The following EYS variants were observed in gnomAD, a reference collection of about 807,000 sequenced individuals.
EYS encodes protein eyes shut homolog.
In EYS, 250 loss-of-function variants were observed where a neutral mutation model predicts 282.1. The observed-to-expected ratio is 0.89, with a 90% CI of 0.80 to 0.98. The LOEUF (loss-of-function observed/expected upper bound fraction) is 0.98, where lower values mean the gene tolerates loss of function less well. EYS is among the 50% of genes least tolerant of loss of function. The pLI is 0.00. For missense variants in EYS, 4,016 were observed against 3,709.0 expected, an observed-to-expected ratio of 1.08 and a Z score of -2.15; for synonymous variants, 1,355 against 1,282.9, an observed-to-expected ratio of 1.06 and a Z score of -1.20.
chr6:64,554,008 A>G (rs1220500175), intron 26 of EYS, among the ~76,000 whole-genome samples: 2 of 152,134 alleles, frequency 1.3e-5, no homozygotes, highest in Non-Finnish European at 2.9e-5. Flanking sequence ...CTCACTTTTA[A>G]AATATTTTCT....
chr6:64,439,367 A>G lies in EYS; in HGVS notation c.5645-15T>C, dbSNP rs1440574514. 6.9e-6 allele frequency: 10 copies of G among 1,457,130 alleles called. No homozygotes were observed. Among genetic ancestry groups the G allele is most frequent in the Non-Finnish European group, 9.1e-6 (10 of 1,100,426 alleles). 90.3% of individuals were successfully genotyped at this position (1,457,130 alleles called of 1,614,324 possible). On this transcript the variant is annotated splice_polypyrimidine_tract_variant and intron_variant, in intron 26 of 42. Transcript: ENST00000503581. ...ACAACTGAAATCTGTGGAGTCAGAA[A>G]GAAAATACAATTTAGGTTGAAATAA...
chr6:63,850,037 T>A (rs1772205119), intron 36 of EYS, among the ~76,000 whole-genome samples: 1 of 152,060 alleles, frequency 6.6e-6, no homozygotes, highest in Non-Finnish European at 1.5e-5. Context: ...CATACACAAG[T>A]ATCCATAGCT....
intron 8 of EYS, among the ~76,000 whole-genome samples, chr6:65,367,054 T>C (rs1053570204): frequency 6.6e-6 from 1 of 151,680 alleles, no homozygotes; most frequent in Non-Finnish European, 1.5e-5. Context: ...CTTTTTGCCA[T>C]GTTAGATAAC....
At chr6:65,113,077 G>T (rs1402712878) in intron 12 of EYS, among the ~76,000 whole-genome samples, 2 of 152,046 alleles carry the variant, frequency 1.3e-5, no homozygotes, top group Non-Finnish European at 2.9e-5. Flanking sequence ...ATTTAAAAAT[G>T]TCAGTTTAGC....
At chr6:65,658,161 C>T (rs1767890660) in intron 1 of EYS, among the ~76,000 whole-genome samples, 1 of 151,648 alleles carries the variant, frequency 6.6e-6, no homozygotes, top group Admixed American at 6.6e-5. Context: ...TGGAACTGAA[C>T]TCACAATATC....
At chr6:63,889,113 C>CTG in intron 35 of EYS, among the ~76,000 whole-genome samples, 2 of 152,122 alleles carry the variant, frequency 1.3e-5, no homozygotes, top group Admixed American at 1.3e-4. Context: ...AAGGAATAAA[C>CTG]AAGGCCTCCA....
chr6:64,067,506 G>A (rs1042142064), intron 32 of EYS, among the ~76,000 whole-genome samples: 2 of 152,082 alleles, frequency 1.3e-5, no homozygotes, highest in African/African-American at 4.8e-5. Flanking sequence ...TAAGTCTACT[G>A]TAGTCTTCCC....
At chr6:64,374,134 C>A (rs922006344) in intron 29 of EYS, among the ~76,000 whole-genome samples, 1 of 147,870 alleles carries the variant, frequency 6.8e-6, no homozygotes, top group Admixed American at 6.8e-5. Flanking sequence ...TGAAGGGAGA[C>A]CACTGGGCTG....
At chr6:65,092,496 T>G (rs964762882) in intron 12 of EYS, among the ~76,000 whole-genome samples, 3 of 152,206 alleles carry the variant, frequency 2.0e-5, no homozygotes, top group African/African-American at 7.2e-5. Flanking sequence ...TGCAACACAC[T>G]ATTTTAATAA....
chr6:64,052,179 A>C (rs1320938080), intron 33 of EYS, among the ~76,000 whole-genome samples: 1 of 152,118 alleles, frequency 6.6e-6, no homozygotes, highest in Non-Finnish European at 1.5e-5. Context: ...AAAATTTGCT[A>C]TTTTCTCAGT....
chr6:65,107,640 T>C (rs1775081297), intron 12 of EYS, among the ~76,000 whole-genome samples: 1 of 151,334 alleles, frequency 6.6e-6, no homozygotes. Context: ...AAAACTAAAA[T>C]CCAGGAAAGA....
intron 22 of EYS, among the ~76,000 whole-genome samples, chr6:64,700,341 T>G (rs1381665016): frequency 6.6e-6 from 1 of 152,026 alleles, no homozygotes; most frequent in Non-Finnish European, 1.5e-5. Context: ...AGATGCATAC[T>G]TTCACCATTT....
rs1163822466 is a variant in EYS at position 65,633,801 on chromosome 6, T to TA, written c.-333+5976dup. Reference sequence around the variant, plus strand: ...TTGGAGTCCTTCCTACTTTTGTAAATAAAGTTTATTAAAACACAACCACAG... The same window carrying TA: ...TTGGAGTCCTTCCTACTTTTGTAAATAAAAGTTTATTAAAACACAACCACAG... On this transcript the variant is annotated intron_variant, in intron 2 of 42. Transcript: ENST00000503581. Among the ~76,000 whole-genome samples, 9 of 152,174 alleles carry TA rather than the reference T, an allele frequency of 5.9e-5. No individual in the cohort carries two copies. The East Asian group carries it at 1.7e-3, about 29-fold the overall frequency.
intron 26 of EYS, among the ~76,000 whole-genome samples, chr6:64,456,719 A>G (rs1420624765): frequency 6.6e-6 from 1 of 152,018 alleles, no homozygotes; most frequent in African/African-American, 2.4e-5. Flanking sequence ...ATATTTGGAA[A>G]AGTCTGAAGC....
At chr6:63,892,893 C>G (rs983916226) in intron 35 of EYS, among the ~76,000 whole-genome samples, 5 of 151,912 alleles carry the variant, frequency 3.3e-5, no homozygotes, top group Non-Finnish European at 5.9e-5. Context: ...AGAAAAAAAC[C>G]AACAACCCCA....
intron 1 of EYS, among the ~76,000 whole-genome samples, chr6:65,659,528 C>T (rs1415275904): frequency 6.6e-6 from 1 of 151,708 alleles, no homozygotes; most frequent in Non-Finnish European, 1.5e-5. Flanking sequence ...TTGTTGAATT[C>T]ACTACTGGAG....
intron 8 of EYS, among the ~76,000 whole-genome samples, chr6:65,376,656 C>T (rs2150345867): frequency 6.6e-6 from 1 of 152,094 alleles, no homozygotes; most frequent in South Asian, 2.1e-4. Context: ...CATGTATAGG[C>T]TCAAAATAAA....
chr6:65,453,361 ACT>A (rs1182729559), intron 5 of EYS, among the ~76,000 whole-genome samples: 3 of 151,872 alleles, frequency 2.0e-5, no homozygotes, highest in Non-Finnish European at 1.5e-5. Flanking sequence ...TGATTTTAAA[ACT>A]CAAATTTATT....
intron 22 of EYS, among the ~76,000 whole-genome samples, chr6:64,680,591 G>A (rs1340834420): frequency 2.6e-5 from 4 of 152,194 alleles, no homozygotes; most frequent in East Asian, 1.9e-4. Flanking sequence ...CTGCTTAAAC[G>A]TTGAGTTGCA....
Sources: allele counts gnomAD v4.1 joint callset (sites outside exome capture counted in the v4.1 genomes callset), GRCh38; gene constraint gnomAD v4.1.1; transcripts MANE v1.5; gene names NCBI Gene and HGNC (gene_info 2026-07-23, HGNC 2026-07-21).